Variants in KCTD8 observed in about 807,000 individuals in gnomAD.
KCTD8 encodes BTB/POZ domain-containing protein KCTD8.
A neutral mutation model predicts 31.5 loss-of-function variants in KCTD8; 27 were observed. That is an observed-to-expected ratio of 0.86 (90% CI 0.63 to 1.18). The LOEUF (loss-of-function observed/expected upper bound fraction) is 1.18, where lower values mean the gene tolerates loss of function less well. KCTD8 is among the 50% of genes most tolerant of loss of function. The probability of loss-of-function intolerance (pLI) is 0.00; values close to 1 mark genes in which losing one functional copy is unlikely to be tolerated. For missense variants in KCTD8, 658 were observed against 647.7 expected, an observed-to-expected ratio of 1.02 and a Z score of -0.17; for synonymous variants, 290 against 280.0, an observed-to-expected ratio of 1.04 and a Z score of -0.36.
At chr4:44,236,296 G>A (rs989546885) in intron 1 of KCTD8, among the ~76,000 whole-genome samples, 2 of 152,156 alleles carry the variant, frequency 1.3e-5, no homozygotes, top group African/African-American at 4.8e-5. Context: ...TGCACACAAG[G>A]GCAGCCTTCT....
intron 1 of KCTD8, among the ~76,000 whole-genome samples, chr4:44,226,968 A>G (rs1000419713): frequency 3.3e-5 from 5 of 151,614 alleles, no homozygotes; most frequent in African/African-American, 1.2e-4. Context: ...GATTGCAAAC[A>G]TTTTCTTCCA....
At chr4:44,447,325 G>C (rs918753190) in intron 1 of KCTD8, among the ~76,000 whole-genome samples, 33 of 152,244 alleles carry the variant, frequency 2.2e-4, no homozygotes, top group African/African-American at 7.7e-4. Context: ...CAAGTAGACA[G>C]CTGGGAGCTG....
chr4:44,354,917 C>T (rs1024447586), intron 1 of KCTD8, among the ~76,000 whole-genome samples: 5 of 152,024 alleles, frequency 3.3e-5, no homozygotes, highest in African/African-American at 1.2e-4. Flanking sequence ...TGAAAAAGAA[C>T]TATGAAATGC....
chr4:44,320,741 T>C (rs910527497), intron 1 of KCTD8, among the ~76,000 whole-genome samples: 5 of 149,176 alleles, frequency 3.4e-5, no homozygotes, highest in Non-Finnish European at 5.9e-5. Context: ...CTAATGAACA[T>C]ATAATAAATC....
chr4:44,429,821 A>G (rs953592288), intron 1 of KCTD8, among the ~76,000 whole-genome samples: 1 of 151,744 alleles, frequency 6.6e-6, no homozygotes, highest in African/African-American at 2.4e-5. Context: ...TAACTGTCCT[A>G]GGATAGAAGG....
At chr4:44,347,779 T>G (rs1469373314) in intron 1 of KCTD8, among the ~76,000 whole-genome samples, 1 of 152,182 alleles carries the variant, frequency 6.6e-6, no homozygotes, top group Non-Finnish European at 1.5e-5. Context: ...AAATCAGCTG[T>G]GAATTTAGCA....
chr4:44,389,604 G>A (rs550778243), intron 1 of KCTD8, among the ~76,000 whole-genome samples: 27 of 151,828 alleles, frequency 1.8e-4, no homozygotes, highest in African/African-American at 6.3e-4. Context: ...GTGGAATGGG[G>A]AATAGTTGTT....
intron 1 of KCTD8, among the ~76,000 whole-genome samples, chr4:44,264,159 AC>A (rs1439865507): frequency 6.6e-6 from 1 of 151,882 alleles, no homozygotes; most frequent in Non-Finnish European, 1.5e-5. Context: ...TAAGAACTCA[AC>A]AAATAATTGT....
At chr4:44,267,492 A>C (rs1716420956) in intron 1 of KCTD8, among the ~76,000 whole-genome samples, 1 of 152,214 alleles carries the variant, frequency 6.6e-6, no homozygotes, top group Non-Finnish European at 1.5e-5. Context: ...GAACTGGAAA[A>C]GCAAGAGCAA....
chr4:44,236,629 A>G (rs80113487), intron 1 of KCTD8, among the ~76,000 whole-genome samples: 5,420 of 152,288 alleles, frequency 0.036, 155 homozygotes, highest in Non-Finnish European at 0.047. Context: ...ATATGTTTAA[A>G]TCTGCCTGAA....
chr4:44,325,613 T>A (rs887903054), intron 1 of KCTD8, among the ~76,000 whole-genome samples: 8 of 151,864 alleles, frequency 5.3e-5, no homozygotes, highest in Non-Finnish European at 1.0e-4. Context: ...CCCATAAATA[T>A]ATACAGCTAC....
intron 1 of KCTD8, among the ~76,000 whole-genome samples, chr4:44,429,114 C>T (rs556559184): frequency 2.0e-5 from 3 of 151,662 alleles, no homozygotes; most frequent in Admixed American, 6.6e-5. Flanking sequence ...GAATTATGAA[C>T]CTACAAAGGA....
chr4:44,261,400 T>C (rs1415797777), intron 1 of KCTD8, among the ~76,000 whole-genome samples: 1 of 151,942 alleles, frequency 6.6e-6, no homozygotes, highest in Non-Finnish European at 1.5e-5. Flanking sequence ...TTATATAACC[T>C]CATGGGGATA....
intron 1 of KCTD8, among the ~76,000 whole-genome samples, chr4:44,251,137 G>A (rs910467976): frequency 1.3e-5 from 2 of 151,600 alleles, no homozygotes; most frequent in East Asian, 1.9e-4. Context: ...ACACTTACTA[G>A]TCTTCCTACA....
At chr4:44,177,337 C>A (rs1040501957) in intron 1 of KCTD8, among the ~76,000 whole-genome samples, 9 of 152,110 alleles carry the variant, frequency 5.9e-5, no homozygotes, top group Non-Finnish European at 1.2e-4. Context: ...AGAGGCACAG[C>A]CCTATCAGGA....
At chr4:44,329,630 T>C (rs917659581) in intron 1 of KCTD8, among the ~76,000 whole-genome samples, 2 of 151,970 alleles carry the variant, frequency 1.3e-5, no homozygotes, top group African/African-American at 4.8e-5. Context: ...AGCCCTTATC[T>C]TGCTTTGTGC....
chr4:44,419,174 G>C (rs1721148611), intron 1 of KCTD8, among the ~76,000 whole-genome samples: 2 of 152,134 alleles, frequency 1.3e-5, no homozygotes, highest in Non-Finnish European at 2.9e-5. Context: ...ACTAAAATTG[G>C]GTGGCAAATA....
At chr4:44,352,709 C>A (rs919117141) in intron 1 of KCTD8, among the ~76,000 whole-genome samples, 1 of 151,504 alleles carries the variant, frequency 6.6e-6, no homozygotes, top group African/African-American at 2.4e-5. Context: ...TTCATTGTAT[C>A]CATCTATCTA....
chr4:44,363,280 G>T (rs1173653378), intron 1 of KCTD8, among the ~76,000 whole-genome samples: 1 of 151,998 alleles, frequency 6.6e-6, no homozygotes, highest in Non-Finnish European at 1.5e-5. Flanking sequence ...GGAACTAAGA[G>T]AAATACTTCC....
Sources: allele counts gnomAD v4.1 joint callset (sites outside exome capture counted in the v4.1 genomes callset), GRCh38; gene constraint gnomAD v4.1.1; transcripts MANE v1.5; gene names NCBI Gene and HGNC (gene_info 2026-07-23, HGNC 2026-07-21).